Variants in PARP8 observed in about 807,000 individuals in gnomAD.
PARP8 encodes protein mono-ADP-ribosyltransferase PARP8.
PARP8 carries 51 observed loss-of-function variants against 124.1 expected under a neutral mutation model. The observed-to-expected ratio is 0.41, with a 90% CI of 0.33 to 0.52. The LOEUF (loss-of-function observed/expected upper bound fraction) is 0.52. Ranked by LOEUF, PARP8 falls within the 20% of genes least tolerant of loss-of-function variation. PARP8 has a pLI of 0.21. For missense variants in PARP8, 860 were observed against 1,018.9 expected (o/e 0.84, Z 2.12); for synonymous variants, 391 against 361.5 (o/e 1.08, Z -0.93).
chr5:50,747,173 T>C (rs554070682), intron 2 of PARP8, among the ~76,000 whole-genome samples: 1 of 145,342 alleles, frequency 6.9e-6, no homozygotes, highest in Admixed American at 6.8e-5. Flanking sequence ...GTTTTTTTTT[T>C]TTTTTTTGTC....
At chr5:50,838,057 T>C (rs1410843061) in intron 25 of PARP8, among the ~76,000 whole-genome samples, 1 of 152,128 alleles carries the variant, frequency 6.6e-6, no homozygotes, top group Non-Finnish European at 1.5e-5. Context: ...GATGTGAATG[T>C]AGGAATGAAT....
intron 2 of PARP8, chr5:50,742,053 G>T: frequency 4.0e-6 from 1 of 250,970 alleles, no homozygotes. Flanking sequence ...CAGGTGATCC[G>T]CCCGCTTTGG....
chr5:50,669,939 A>G (rs1749812203), intron 2 of PARP8, among the ~76,000 whole-genome samples: 1 of 152,194 alleles, frequency 6.6e-6, no homozygotes, highest in Non-Finnish European at 1.5e-5. Flanking sequence ...AGAGAAAGAC[A>G]ATTGGTTAAA....
intron 3 of PARP8, among the ~76,000 whole-genome samples, chr5:50,751,997 C>G (rs1759314520): frequency 6.6e-6 from 1 of 152,130 alleles, no homozygotes; most frequent in South Asian, 2.1e-4. Context: ...CTTGTTGGCA[C>G]TGGAATAATT....
chr5:50,669,533 C>T (rs1749758164), intron 2 of PARP8: 1 of 152,114 alleles, frequency 6.6e-6, no homozygotes, highest in South Asian at 2.1e-4. Context: ...TAATAAGATA[C>T]CTCAGTTCTT....
chr5:50,691,976 A>G (rs1487853412), intron 2 of PARP8, among the ~76,000 whole-genome samples: 2 of 152,188 alleles, frequency 1.3e-5, no homozygotes, highest in African/African-American at 4.8e-5. Context: ...AATGGTGGCT[A>G]CTTTCCATTC....
At position 50,794,944 on chromosome 5, in the gene PARP8, C is replaced by A. The variant is rs774347413; in HGVS notation, c.955C>A (p.Arg319=). The A allele has an allele frequency of 6.2e-7, 1 of 1,614,162 alleles. No homozygotes were observed. Among genetic ancestry groups the A allele is most frequent in the South Asian group, 1.1e-5 (1 of 91,082 alleles). The part of the protein sequence containing the change: ...DGISKTHKLL[R]RTCSSTVKTD... The stretch of plus-strand genomic sequence containing the variant: ...AATCTCCAAAACGCATAAGCTGCTG[C>A]GGAGGACTTGTTCCAGCACAGTCAA... Residue 319 remains arginine, a synonymous_variant, in exon 12 of 26, where the codon CGG becomes AGG. Coordinates refer to ENST00000281631, the MANE Select transcript of PARP8 (RefSeq NM_024615.4).
chr5:50,667,848 A>T, intron 1 of PARP8: 2 of 1,327,494 alleles, frequency 1.5e-6, no homozygotes, highest in Non-Finnish European at 2.1e-6. Flanking sequence ...CGCTGTTGCC[A>T]TGGCACCCGG....
intron 2 of PARP8, among the ~76,000 whole-genome samples, chr5:50,690,215 A>G (rs1345426501): frequency 2.0e-5 from 3 of 152,164 alleles, no homozygotes; most frequent in Non-Finnish European, 4.4e-5. Context: ...TACAACTAGA[A>G]GCTAGGATCA....
At chr5:50,727,557 T>C (rs546004873) in intron 2 of PARP8, among the ~76,000 whole-genome samples, 30 of 152,288 alleles carry the variant, frequency 2.0e-4, no homozygotes, top group African/African-American at 7.2e-4. Context: ...TTAGTTAATT[T>C]TGACAGAATG....
chr5:50,741,672 T>A (rs1758053729), intron 2 of PARP8, among the ~76,000 whole-genome samples: 1 of 152,180 alleles, frequency 6.6e-6, no homozygotes, highest in Non-Finnish European at 1.5e-5. Context: ...ATTACCAAAA[T>A]AAGTTTTGAA....
At chr5:50,676,175 T>C (rs1750614148) in intron 2 of PARP8, among the ~76,000 whole-genome samples, 1 of 152,246 alleles carries the variant, frequency 6.6e-6, no homozygotes, top group Non-Finnish European at 1.5e-5. Flanking sequence ...CTCAAAACAG[T>C]TGTTTTGCGG....
chr5:50,817,344 A>G (rs566288639), intron 15 of PARP8, among the ~76,000 whole-genome samples: 1 of 152,338 alleles, frequency 6.6e-6, no homozygotes, highest in African/African-American at 2.4e-5. Context: ...ATTCTACTCC[A>G]AAGACAGCAT....
chr5:50,749,693 A>G (rs1759015155), intron 2 of PARP8, among the ~76,000 whole-genome samples: 2 of 152,000 alleles, frequency 1.3e-5, no homozygotes, highest in South Asian at 2.1e-4. Flanking sequence ...ATTCTTTTAG[A>G]AAAAAACCAA....
Position 50,748,278 on chromosome 5 carries a change from A to G in PARP8, c.147-1873A>G, listed in dbSNP as rs561628801. On this transcript the variant is annotated intron_variant, in intron 2 of 25. Coordinates refer to ENST00000281631, the MANE Select transcript of PARP8 (RefSeq NM_024615.4). Reference sequence around the variant, plus strand: ...TAGGGTTAATATATCATTTTACATCATATGTAAGGATTTTGCAACTTCATT... The same window carrying G: ...TAGGGTTAATATATCATTTTACATCGTATGTAAGGATTTTGCAACTTCATT... Among the ~76,000 whole-genome samples the G allele has an allele frequency of 1.3e-3, 202 of 152,120 alleles. 1 individual carries two copies. The highest frequency in any genetic ancestry group is 4.8e-3 in the African/African-American group (200 of 41,504).
At chr5:50,726,770 G>C (rs1193360895) in intron 2 of PARP8, among the ~76,000 whole-genome samples, 3 of 152,106 alleles carry the variant, frequency 2.0e-5, no homozygotes, top group Non-Finnish European at 4.4e-5. Context: ...TCTAGGGCCT[G>C]TCAACTGTGG....
At chr5:50,707,181 A>G (rs1754238328) in intron 2 of PARP8, among the ~76,000 whole-genome samples, 1 of 152,110 alleles carries the variant, frequency 6.6e-6, no homozygotes, top group Non-Finnish European at 1.5e-5. Context: ...GCATCAGTGT[A>G]AATTGTTGTT....
chr5:50,781,407 A>G (rs1487234627), intron 9 of PARP8, among the ~76,000 whole-genome samples: 1 of 152,230 alleles, frequency 6.6e-6, no homozygotes, highest in African/African-American at 2.4e-5. Flanking sequence ...TACAGGCAAG[A>G]GTTGAAATTG....
At chr5:50,796,019 A>C (rs1384046828) in intron 12 of PARP8, among the ~76,000 whole-genome samples, 1 of 152,214 alleles carries the variant, frequency 6.6e-6, no homozygotes, top group Non-Finnish European at 1.5e-5. Flanking sequence ...CAATAATTTA[A>C]GTCCTTTTGA....
Sources: gnomAD v4.1 joint callset for allele counts (sites outside exome capture counted in the v4.1 genomes callset) on GRCh38, gnomAD v4.1.1 for gene constraint, MANE v1.5 for transcripts, NCBI Gene and HGNC (gene_info 2026-07-23, HGNC 2026-07-21) for gene names.